Variants in PLSCR4 observed in about 807,000 individuals in gnomAD.
PLSCR4 encodes phospholipid scramblase 4.
In PLSCR4, 25 loss-of-function variants were observed where a neutral mutation model predicts 36.3. The observed-to-expected ratio is 0.69, with a 90% CI of 0.50 to 0.96. The LOEUF is 0.96. Ranked by LOEUF, PLSCR4 falls within the 40% of genes least tolerant of loss-of-function variation. PLSCR4 has a pLI of 0.00. For missense variants in PLSCR4, 408 were observed against 414.7 expected, an observed-to-expected ratio of 0.98 and a Z score of 0.14; for synonymous variants, 122 against 132.9, an observed-to-expected ratio of 0.92 and a Z score of 0.56.
chr3:146,232,481 G>A (rs954487168), intron 1 of PLSCR4, among the ~76,000 whole-genome samples: 2 of 152,186 alleles, frequency 1.3e-5, no homozygotes, highest in Non-Finnish European at 2.9e-5. Context: ...GGCATGGAAT[G>A]TTTCTCCATG....
At chr3:146,234,727 C>T (rs1021098829) in intron 1 of PLSCR4, among the ~76,000 whole-genome samples, 5 of 152,078 alleles carry the variant, frequency 3.3e-5, no homozygotes, top group Admixed American at 3.3e-4. Context: ...TTGGGATTGT[C>T]CCTATAAAGT....
At chr3:146,211,103 A>G (rs2034597072) in intron 3 of PLSCR4, among the ~76,000 whole-genome samples, 1 of 152,078 alleles carries the variant, frequency 6.6e-6, no homozygotes, top group Admixed American at 6.6e-5. Context: ...ATTAGCTGAA[A>G]TATTTAGTAA....
chr3:146,209,443 T>G (rs2034509861), intron 3 of PLSCR4, among the ~76,000 whole-genome samples: 1 of 152,056 alleles, frequency 6.6e-6, no homozygotes, highest in African/African-American at 2.4e-5. Context: ...AAAAGAGTAC[T>G]CATAAAAATG....
chr3:146,216,646 G>A (rs112834786), intron 3 of PLSCR4, among the ~76,000 whole-genome samples: 10 of 152,260 alleles, frequency 6.6e-5, no homozygotes, highest in African/African-American at 2.4e-4. Flanking sequence ...CGTATCAGGA[G>A]TAGAATTAGA....
chr3:146,206,400 T>C, intron 4 of PLSCR4, 126 bp downstream of exon 4: 2 of 665,880 alleles, frequency 3.0e-6, no homozygotes, highest in South Asian at 3.7e-5. Flanking sequence ...TTCTTATAGT[T>C]TCACAAATGG....
chr3:146,248,483 C>G (rs1422848378), intron 1 of PLSCR4, among the ~76,000 whole-genome samples: 1 of 150,902 alleles, frequency 6.6e-6, no homozygotes, highest in Non-Finnish European at 1.5e-5. Flanking sequence ...ACACTACACA[C>G]ACACAGACAC....
Position 146,194,380 on chromosome 3 carries a change from T to C in PLSCR4, c.*31A>G. The stretch of plus-strand genomic sequence containing the variant: ...AATCCAACTTTTCCATTTTTCAAAA[T>C]TAACCATAGTTGATGGCTTGCTGTG... On this transcript the variant is annotated 3_prime_UTR_variant, in exon 9 of 9. Coordinates refer to ENST00000354952, the MANE Select transcript of PLSCR4 (RefSeq NM_020353.3). 6.5e-7 allele frequency: 1 copy of C among 1,542,094 alleles called. No homozygotes were observed. The highest frequency in any genetic ancestry group is 9.0e-7 in the Non-Finnish European group (1 of 1,115,872).
chr3:146,228,814 T>G (rs2035582320), intron 1 of PLSCR4, among the ~76,000 whole-genome samples: 1 of 152,158 alleles, frequency 6.6e-6, no homozygotes, highest in Non-Finnish European at 1.5e-5. Flanking sequence ...TGAACTAATA[T>G]ATGTGTAAGT....
At chr3:146,213,839 C>T (rs879665897) in intron 3 of PLSCR4, among the ~76,000 whole-genome samples, 2 of 152,046 alleles carry the variant, frequency 1.3e-5, no homozygotes, top group Non-Finnish European at 2.9e-5. Flanking sequence ...ATGTTATTCC[C>T]TTAAGATACT....
intron 1 of PLSCR4, among the ~76,000 whole-genome samples, chr3:146,230,464 C>A (rs1190423776): frequency 6.6e-6 from 1 of 152,106 alleles, no homozygotes; most frequent in African/African-American, 2.4e-5. Context: ...GTGAACTGAT[C>A]ACATTCCTCC....
chr3:146,201,066 T>C lies in PLSCR4; in HGVS notation c.366A>G (p.Ile122Met). 6.4e-7 allele frequency: 1 copy of C among 1,553,458 alleles called. No homozygotes were observed. Among genetic ancestry groups the C allele is most frequent in the South Asian group, 1.3e-5 (1 of 79,392 alleles). Residue 122 changes from isoleucine to methionine, a missense_variant, in exon 5 of 9, where the codon ATA (isoleucine) becomes ATG (methionine). Physicochemically the swap from Ile to Met is conservative, Grantham distance 10 (BLOSUM62 1). Coordinates refer to ENST00000354952, the MANE Select transcript of PLSCR4 (RefSeq NM_020353.3). ...GLEYLVQLDN[I>M]HVLQHFEPLE... is the part of the protein sequence containing the mutation. ...GAGGCTCAAAATGCTGAAGAACATG[T>C]ATGTTGTCCAACTGTTGGGATAAAA...
intron 1 of PLSCR4, among the ~76,000 whole-genome samples, chr3:146,240,690 G>A (rs80079428): frequency 0.019 from 2,557 of 131,360 alleles, 76 homozygotes; most frequent in African/African-American, 0.061. Context: ...CGTTTTAGGA[G>A]AGATATGTAG....
intron 3 of PLSCR4, among the ~76,000 whole-genome samples, chr3:146,220,479 A>G (rs1343839915): frequency 6.6e-6 from 1 of 152,136 alleles, no homozygotes; most frequent in African/African-American, 2.4e-5. Context: ...TTTTATCATG[A>G]CAGCAAAACT....
chr3:146,214,916 C>G (rs1490310640), intron 3 of PLSCR4, among the ~76,000 whole-genome samples: 1 of 152,064 alleles, frequency 6.6e-6, no homozygotes, highest in Non-Finnish European at 1.5e-5. Flanking sequence ...TTTCACCCTT[C>G]AATTCTACCA....
At chr3:146,219,749 T>A (rs62272407) in intron 3 of PLSCR4, among the ~76,000 whole-genome samples, 49,235 of 151,796 alleles carry the variant, frequency 0.32, 8,652 homozygotes, top group South Asian at 0.45. Context: ...AAACCTTGTC[T>A]CTACAAACAA....
intron 3 of PLSCR4, among the ~76,000 whole-genome samples, chr3:146,216,607 T>C (rs2034902374): frequency 6.6e-6 from 1 of 152,180 alleles, no homozygotes; most frequent in Non-Finnish European, 1.5e-5. Context: ...ATAAGGAGGT[T>C]AAGTAACTTG....
chr3:146,241,447 G>C (rs2036146889), intron 1 of PLSCR4, among the ~76,000 whole-genome samples: 1 of 152,128 alleles, frequency 6.6e-6, no homozygotes, highest in Non-Finnish European at 1.5e-5. Context: ...TCACTTAAAA[G>C]TAAGAGACAA....
intron 1 of PLSCR4, among the ~76,000 whole-genome samples, chr3:146,232,191 T>C (rs1576488413): frequency 6.6e-6 from 1 of 152,158 alleles, no homozygotes; most frequent in South Asian, 2.1e-4. Flanking sequence ...TTCTATTCTG[T>C]TGTTCCATAT....
chr3:146,236,454 C>T (rs536602271), intron 1 of PLSCR4, among the ~76,000 whole-genome samples: 95 of 152,166 alleles, frequency 6.2e-4, no homozygotes, highest in African/African-American at 2.2e-3. Flanking sequence ...GTGTCCCCAC[C>T]GAAATTTCAT....
Sources: allele counts gnomAD v4.1 joint callset (sites outside exome capture counted in the v4.1 genomes callset), GRCh38; gene constraint gnomAD v4.1.1; transcripts MANE v1.5; gene names NCBI Gene and HGNC (gene_info 2026-07-23, HGNC 2026-07-21).